ZNF75A: variants seen among roughly 807,000 people sequenced by gnomAD.
ZNF75A encodes zinc finger protein 75A.
A neutral mutation model predicts 46.3 loss-of-function variants in ZNF75A; 36 were observed. That is an observed-to-expected ratio of 0.78 (90% confidence interval 0.60 to 1.03). The LOEUF is 1.03. ZNF75A is among the 50% of genes least tolerant of loss of function. The pLI is 0.00. For missense variants in ZNF75A, 595 were observed against 551.3 expected, an observed-to-expected ratio of 1.08 and a Z score of -0.79; for synonymous variants, 234 against 189.9, an observed-to-expected ratio of 1.23 and a Z score of -1.91.
downstream of ZNF75A, among the ~76,000 whole-genome samples, chr16:3,321,564 C>T (rs548090971): frequency 6.6e-6 from 1 of 152,342 alleles, no homozygotes; most frequent in East Asian, 1.9e-4. Flanking sequence ...CTCCCAGTCT[C>T]AAGCAATCCT....
Position 3,317,905 on chromosome 16 carries a change from T to C in ZNF75A, c.*36T>C. 2.6e-6 allele frequency: 4 copies of C among 1,531,006 alleles called. No homozygotes were observed. The South Asian group carries it at 5.1e-5, about 19-fold the overall frequency. 94.8% of individuals were successfully genotyped at this position (1,531,006 alleles called of 1,614,324 possible). On this transcript the variant is annotated 3_prime_UTR_variant, in exon 7 of 7. Transcript: ENST00000669516. The stretch of plus-strand genomic sequence containing the variant: ...GTCCAGTGTCCTCATTCTGAAGACA[T>C]TCACCAAATGGAGCTTGGCACTAAA...
rs543585054 is a variant in ZNF75A at position 3,308,522 on chromosome 16, C to G, written c.94C>G (p.Gln32Glu). 1.5e-5 allele frequency: 15 copies of G among 985,836 alleles called. No individual in the cohort carries two copies. In the South Asian group the frequency reaches 6.6e-4, roughly 43 times the overall value. 61.1% of individuals were successfully genotyped at this position (985,836 alleles called of 1,614,324 possible). Reference sequence around the variant, plus strand: ...GGGGCCTGCAAGAGAGAGCTCCGGTCAGAGTAAAAAATCTCCTCAAATGGA... The same window carrying G: ...GGGGCCTGCAAGAGAGAGCTCCGGTGAGAGTAAAAAATCTCCTCAAATGGA... ...TKGPARESSG[Q>E]SKKSPQMDCL... Residue 32 changes from glutamine (Q) to glutamate (E), a missense_variant, in exon 2 of 7, where the codon CAG becomes GAG. Coordinates refer to ENST00000669516, the MANE Select transcript of ZNF75A (RefSeq NM_001302109.2).
rs889135604 is a variant in ZNF75A at position 3,317,854 on chromosome 16, G to T, written c.1599G>T (p.Gln533His). Residue 533 changes from glutamine (Q) to histidine (H), a missense_variant, in exon 7 of 7, where the codon CAG becomes CAT. Gln to His is a conservative substitution (Grantham distance 24). Coordinates refer to ENST00000669516, the MANE Select transcript of ZNF75A (RefSeq NM_001302109.2). ...FSRRSSLLRH[Q>H]KLHL is the part of the protein sequence containing the mutation. ...GGCGGTCAAGCCTTCTTAGACACCA[G>T]AAACTCCACCTGTGAAGAGAAGCTT... 1.2e-6 allele frequency: 2 copies of T among 1,608,086 alleles called. No individual in the cohort carries two copies. Among genetic ancestry groups the T allele is most frequent in the Admixed American group, 1.7e-5 (1 of 59,360 alleles).
chr16:3,322,809 A>C (rs1251969997), downstream of ZNF75A: 16 of 624,292 alleles, frequency 2.6e-5, no homozygotes, highest in Non-Finnish European at 3.2e-5. Flanking sequence ...AGGACCCAGG[A>C]ATCTCCAGAT....
Position 3,317,207 on chromosome 16 carries a change from G to T in ZNF75A, c.952G>T (p.Asp318Tyr). 2 of 1,610,714 alleles carry T rather than the reference G, an allele frequency of 1.2e-6. No homozygotes were observed. The highest frequency in any genetic ancestry group is 2.2e-5 in the South Asian group (2 of 90,460). Residue 318 changes from aspartate to tyrosine, a missense_variant, in exon 7 of 7, where the codon GAC (aspartate) becomes TAC (tyrosine). Asp to Tyr is a radical substitution (Grantham distance 160, BLOSUM62 -3). Coordinates refer to ENST00000669516, the MANE Select transcript of ZNF75A (RefSeq NM_001302109.2). ...TCCAACAGGGTTAAAGCTCAAAAAC[G>T]ACACTGAAAATCATCAGCCTGTGTC... ...KSPTGLKLKNDTENHQPVSLS... is the reference protein window; with the variant it reads ...KSPTGLKLKNYTENHQPVSLS...
downstream of ZNF75A, among the ~76,000 whole-genome samples, chr16:3,320,718 G>T (rs79256274): frequency 3.9e-4 from 60 of 152,322 alleles, no homozygotes; most frequent in East Asian, 9.6e-3. Flanking sequence ...GGGTTAGGGG[G>T]TAGGGATTGC....
intron 5 of ZNF75A, chr16:3,315,198 T>G (rs891292389): frequency 9.0e-6 from 6 of 668,464 alleles, no homozygotes; most frequent in South Asian, 6.7e-5. Flanking sequence ...GTTTTTTTTT[T>G]TTTTTTTTTT....
In ZNF75A at chr16:3,317,931, A is replaced by G. The variant is rs1019048646; in HGVS notation, c.*62A>G. The stretch of plus-strand genomic sequence containing the variant: ...TCACCAAATGGAGCTTGGCACTAAA[A>G]TTTATGTAAAAGAAAAATCACAAAC... On this transcript the variant is annotated 3_prime_UTR_variant, in exon 7 of 7. Coordinates refer to ENST00000669516, the MANE Select transcript of ZNF75A (RefSeq NM_001302109.2). 4.0e-6 allele frequency: 6 copies of G among 1,502,638 alleles called. No homozygotes were observed. In the African/African-American group the frequency reaches 8.4e-5, roughly 21 times the overall value. 93.1% of individuals were successfully genotyped at this position (1,502,638 alleles called of 1,614,324 possible).
chr16:3,311,699 C>T, intron 2 of ZNF75A, 54 bp from the exon 3 acceptor site: 1 of 979,154 alleles, frequency 1.0e-6, no homozygotes, highest in Non-Finnish European at 1.2e-6. Flanking sequence ...TCTGCCTCCA[C>T]CCCCACAAAC....
chr16:3,310,276 C>T (rs897696070), intron 2 of ZNF75A, among the ~76,000 whole-genome samples: 2 of 152,010 alleles, frequency 1.3e-5, no homozygotes, highest in African/African-American at 4.8e-5. Flanking sequence ...TGCCCGTAAT[C>T]CCAGCTACTC....
At chr16:3,311,987 G>T in intron 3 of ZNF75A, 39 bp downstream of exon 3, 6 of 968,016 alleles carry the variant, frequency 6.2e-6, no homozygotes, top group Non-Finnish European at 7.4e-6. Flanking sequence ...CCTGGGAGCT[G>T]TGATAATAGT....
intron 5 of ZNF75A, among the ~76,000 whole-genome samples, chr16:3,315,759 C>G (rs974519678): frequency 2.0e-5 from 3 of 152,202 alleles, no homozygotes; most frequent in Admixed American, 1.3e-4. Context: ...CTGATCAGAT[C>G]GTTGCATTTC....
chr16:3,315,194 T>G (rs919051151), intron 5 of ZNF75A: 13 of 652,640 alleles, frequency 2.0e-5, no homozygotes, highest in East Asian at 1.4e-4. Context: ...TCATGTTTTT[T>G]TTTTTTTTTT....
Position 3,317,750 on chromosome 16 carries a change from T to C in ZNF75A, c.1495T>C (p.Ser499Pro), listed in dbSNP as rs1596402736. ...HECGKKFSQN[S>P]HLIKHRRTHT... ...ATGTGGAAAAAAATTCAGTCAGAAC[T>C]CCCACCTTATTAAACACCGGAGAAC... Residue 499 changes from serine (S) to proline (P), a missense_variant, in exon 7 of 7, where the codon TCC becomes CCC. Coordinates refer to ENST00000669516, the MANE Select transcript of ZNF75A (RefSeq NM_001302109.2). 6.2e-7 allele frequency: 1 copy of C among 1,614,126 alleles called. No homozygotes were observed.
chr16:3,312,615 A>G (rs532809501), intron 3 of ZNF75A, 62 bp from the exon 4 acceptor site: 97 of 782,602 alleles, frequency 1.2e-4, no homozygotes, highest in Admixed American at 1.7e-4. Flanking sequence ...TCAGTGTTTT[A>G]GAAATGAGCT....
chr16:3,307,066 C>T (rs996179024), intron 1 of ZNF75A: 1 of 152,044 alleles, frequency 6.6e-6, no homozygotes, highest in Non-Finnish European at 1.5e-5. Flanking sequence ...ATTTTCCTGC[C>T]TCAGCCTCCT....
In ZNF75A at chr16:3,318,604, A is replaced by T. The variant is rs1362781274; in HGVS notation, c.*735A>T. 2.0e-6 allele frequency: 2 copies of T among 985,484 alleles called. No homozygotes were observed. The highest frequency in any genetic ancestry group is 3.5e-5 in the African/African-American group (2 of 57,384). 61.0% of individuals were successfully genotyped at this position (985,484 alleles called of 1,614,324 possible). A position where few individuals can be genotyped will look rare whatever the true frequency, so the allele number is the denominator to read the frequency against. ...CCTGCCTTGCAATGTCAGTAGGATA[A>T]AGCAGCTATAAAAATTAGTACTTGC... On this transcript the variant is annotated 3_prime_UTR_variant, in exon 7 of 7. Transcript: ENST00000669516.
Position 3,313,706 on chromosome 16 carries a change from A to G in ZNF75A, c.823+531A>G, listed in dbSNP as rs1055568264. Among the ~76,000 whole-genome samples, 3 of 152,142 alleles carry G rather than the reference A, an allele frequency of 2.0e-5. No homozygotes were observed. The South Asian group carries it at 6.2e-4, about 32-fold the overall frequency. ...TGCCCTTCCACAGTCTGTTTTCTAT[A>G]CAGAAGCTAGATTGATCTTTTAAAA... On this transcript the variant is annotated intron_variant, in intron 5 of 6. Coordinates refer to ENST00000669516, the MANE Select transcript of ZNF75A (RefSeq NM_001302109.2).
intron 2 of ZNF75A, 89 bp downstream of exon 2, chr16:3,308,925 G>C (rs985269166): frequency 1.1e-5 from 9 of 831,138 alleles, no homozygotes; most frequent in East Asian, 1.2e-4. Context: ...AAATTAGATG[G>C]ATTAGGTAGG....
Sources: gnomAD v4.1 joint callset for allele counts (sites outside exome capture counted in the v4.1 genomes callset) on GRCh38, gnomAD v4.1.1 for gene constraint, MANE v1.5 for transcripts, NCBI Gene and HGNC (gene_info 2026-07-23, HGNC 2026-07-21) for gene names.